Variants in PDE7B observed in about 807,000 individuals in gnomAD.
PDE7B encodes phosphodiesterase 7B.
PDE7B carries 29 observed loss-of-function variants against 56.2 expected under a neutral mutation model. The ratio of observed to expected loss-of-function variants is 0.52; its 90% CI spans 0.38 to 0.70. The LOEUF (loss-of-function observed/expected upper bound fraction) is 0.70, where lower values mean the gene tolerates loss of function less well. Among genes scored for constraint, PDE7B ranks in the 30% least tolerant of loss-of-function variants. The pLI is 0.00. For missense variants in PDE7B, 490 were observed against 565.0 expected, an observed-to-expected ratio of 0.87 and a Z score of 1.35; for synonymous variants, 197 against 196.9, an observed-to-expected ratio of 1.00 and a Z score of 0.00.
intron 2 of PDE7B, among the ~76,000 whole-genome samples, chr6:135,953,231 GC>G (rs1562450883): frequency 3.3e-5 from 5 of 151,568 alleles, no homozygotes; most frequent in Non-Finnish European, 5.9e-5. Flanking sequence ...TCTATATTTT[GC>G]TCTTATCACT....
chr6:135,996,599 A>T (rs990677651), intron 2 of PDE7B, among the ~76,000 whole-genome samples: 5 of 152,222 alleles, frequency 3.3e-5, no homozygotes, highest in Admixed American at 6.5e-5. Context: ...CCATTTAGAC[A>T]ATCTAGCTTT....
rs772877761 is a variant in PDE7B at position 136,147,382 on chromosome 6, G to A, written c.198G>A (p.Lys66=). 6.2e-7 allele frequency: 1 copy of A among 1,612,940 alleles called. No homozygotes were observed. The highest frequency in any genetic ancestry group is 1.1e-5 in the South Asian group (1 of 91,004). ...CATACTCAGGGGAGATTGGCACCAA[G>A]AAAAAGGTGAAAAGACTATTAAGCT... is the stretch of plus-strand genomic sequence containing the variant. ...STTYSGEIGT[K]KKVKRLLSFQ... The change falls in exon 4 of 13, where the codon AAG becomes AAA. Residue 66 remains lysine (K), a synonymous_variant. Transcript: ENST00000308191.
At chr6:135,929,919 C>T (rs187266102) in intron 1 of PDE7B, among the ~76,000 whole-genome samples, 4 of 152,198 alleles carry the variant, frequency 2.6e-5, no homozygotes, top group Non-Finnish European at 5.9e-5. Context: ...GAAAGTAGCT[C>T]GGTAAACCTA....
At position 136,194,124 on chromosome 6, in the gene PDE7B, T is replaced by C. The variant is rs542319457; in HGVS notation, c.*2284T>C. 3.3e-4 allele frequency: 51 copies of C among 152,316 alleles called. No individual in the cohort carries two copies. Among genetic ancestry groups the C allele is most frequent in the African/African-American group, 1.2e-3 (49 of 41,558 alleles). The allele number at this position is 152,316 out of a possible 1,614,324, so 9.4% of individuals were successfully genotyped here. ...TCTTACTTTGGTTTGATGGTACACA[T>C]AGGGCTTTTGAACAGTCTATTTTTA... On this transcript the variant is annotated 3_prime_UTR_variant, in exon 13 of 13. Coordinates refer to ENST00000308191, the MANE Select transcript of PDE7B (RefSeq NM_018945.4).
At chr6:135,994,854 A>G (rs1418047688) in intron 2 of PDE7B, among the ~76,000 whole-genome samples, 2 of 152,244 alleles carry the variant, frequency 1.3e-5, no homozygotes, top group Non-Finnish European at 2.9e-5. Flanking sequence ...ATATTACTAC[A>G]GAAAATGTGG....
chr6:136,038,622 A>G (rs1562476719), intron 2 of PDE7B: 5 of 969,056 alleles, frequency 5.2e-6, no homozygotes, highest in Non-Finnish European at 6.8e-6. Context: ...AGGAAAATGA[A>G]CTGTGTAGCA....
intron 2 of PDE7B, among the ~76,000 whole-genome samples, chr6:135,970,024 C>T (rs1775065341): frequency 6.6e-6 from 1 of 152,020 alleles, no homozygotes; most frequent in African/African-American, 2.4e-5. Context: ...AGTGACCTTT[C>T]TCATATCAAA....
chr6:135,991,090 T>C (rs911280435), intron 2 of PDE7B, among the ~76,000 whole-genome samples: 6 of 152,214 alleles, frequency 3.9e-5, no homozygotes, highest in Non-Finnish European at 5.9e-5. Context: ...GGTGGGAGTG[T>C]AGCAGTGAGA....
chr6:135,913,102 C>T (rs1215691001), intron 1 of PDE7B, among the ~76,000 whole-genome samples: 3 of 152,178 alleles, frequency 2.0e-5, no homozygotes, highest in African/African-American at 7.2e-5. Context: ...AGGTGTACCA[C>T]GAACTTTGTA....
chr6:136,098,408 A>G (rs1376427935), intron 2 of PDE7B, among the ~76,000 whole-genome samples: 1 of 152,214 alleles, frequency 6.6e-6, no homozygotes, highest in Non-Finnish European at 1.5e-5. Flanking sequence ...ACAGTGTAAG[A>G]GTCTAAGTAA....
At chr6:135,888,296 T>C (rs2128189746) in intron 1 of PDE7B, among the ~76,000 whole-genome samples, 1 of 152,260 alleles carries the variant, frequency 6.6e-6, no homozygotes, top group East Asian at 1.9e-4. Context: ...GACCTTCAGT[T>C]AGTTATTGAA....
chr6:136,069,385 A>T (rs770281128), intron 2 of PDE7B, among the ~76,000 whole-genome samples: 1 of 152,190 alleles, frequency 6.6e-6, no homozygotes, highest in Non-Finnish European at 1.5e-5. Context: ...ACACTGATCA[A>T]ATCCATGGAG....
chr6:136,133,090 C>G (rs980829065), intron 3 of PDE7B, among the ~76,000 whole-genome samples: 1 of 152,064 alleles, frequency 6.6e-6, no homozygotes, highest in Non-Finnish European at 1.5e-5. Context: ...ATTCAAGCAG[C>G]CTTTGTAACC....
At chr6:136,178,914 C>A in intron 9 of PDE7B, 83 bp from the exon 10 acceptor site, 1 of 1,410,576 alleles carries the variant, frequency 7.1e-7, no homozygotes, top group Non-Finnish European at 1.0e-6. Context: ...GATTACAAGC[C>A]ACCTGATGAT....
At chr6:136,016,910 A>G (rs1293505769) in intron 2 of PDE7B, among the ~76,000 whole-genome samples, 2 of 152,250 alleles carry the variant, frequency 1.3e-5, no homozygotes, top group African/African-American at 4.8e-5. Flanking sequence ...ACTGTTAACC[A>G]GCTTGGTTAT....
chr6:135,997,413 CAAAAAAAAAAAAAAAAAAAAAAA>C (rs59388049), intron 2 of PDE7B, among the ~76,000 whole-genome samples: 3 of 10,706 alleles, frequency 2.8e-4, no homozygotes, highest in Non-Finnish European at 4.6e-4. Context: ...GACCCTGTCT[CAAAAAAAAAAAAAAAAAAAAAAA>C]AAAAAAAAAA....
chr6:135,867,575 C>A (rs1775286873), intron 1 of PDE7B, among the ~76,000 whole-genome samples: 2 of 152,122 alleles, frequency 1.3e-5, no homozygotes, highest in Non-Finnish European at 2.9e-5. Context: ...GATCCCTCTC[C>A]TTCCTCCCAC....
At chr6:135,906,566 A>G (rs1168147823) in intron 1 of PDE7B, among the ~76,000 whole-genome samples, 1 of 152,174 alleles carries the variant, frequency 6.6e-6, no homozygotes, top group Non-Finnish European at 1.5e-5. Flanking sequence ...AGATGATTAT[A>G]CCATATAAGA....
Position 135,990,656 on chromosome 6 carries a change from C to T in PDE7B, c.82+43132C>T, listed in dbSNP as rs551281612. ...GCAACATGGTGACTATGGTTAATGA[C>T]GACATATGGTATGTTTGAAAATTGC... On this transcript the variant is annotated intron_variant, in intron 2 of 12. Coordinates refer to ENST00000308191, the MANE Select transcript of PDE7B (RefSeq NM_018945.4). Among the ~76,000 whole-genome samples, 9 of 152,178 alleles carry T rather than the reference C, an allele frequency of 5.9e-5. No individual in the cohort carries two copies. The South Asian group carries it at 1.2e-3, about 21-fold the overall frequency.
Sources: gnomAD v4.1 joint callset for allele counts (sites outside exome capture counted in the v4.1 genomes callset) on GRCh38, gnomAD v4.1.1 for gene constraint, MANE v1.5 for transcripts, NCBI Gene and HGNC (gene_info 2026-07-23, HGNC 2026-07-21) for gene names.